The following RB1 variants were observed in gnomAD, a reference collection of about 807,000 sequenced individuals.
The protein encoded by RB1 is RB transcriptional corepressor 1, also known as retinoblastoma-associated protein.
RB1 carries 18 observed loss-of-function variants against 135.4 expected under a neutral mutation model. The observed-to-expected ratio is 0.13, with a 90% CI of 0.09 to 0.20. The LOEUF is 0.20. RB1 is among the 10% of genes least tolerant of loss of function. RB1 has a pLI of 1.00. For missense variants in RB1, 868 were observed against 1,110.0 expected (o/e 0.78, Z 3.10); for synonymous variants, 365 against 373.2 (o/e 0.98, Z 0.25).
chr13:48,416,308 C>T (rs986552176), intron 17 of RB1: 2 of 152,274 alleles, frequency 1.3e-5, no homozygotes, highest in Admixed American at 6.5e-5. Context: ...GGGGCATCGC[C>T]TTACACGGGA....
chr13:48,334,364 T>A (rs1258500053), intron 2 of RB1, among the ~76,000 whole-genome samples: 1 of 152,218 alleles, frequency 6.6e-6, no homozygotes, highest in Non-Finnish European at 1.5e-5. Context: ...CGTCTTAGCC[T>A]GTTATTCCTT....
chr13:48,430,740 A>C (rs1003452200), intron 17 of RB1, among the ~76,000 whole-genome samples: 10 of 54,772 alleles, frequency 1.8e-4, no homozygotes, highest in African/African-American at 3.4e-4. Context: ...TCTCCATCTC[A>C]AAAACAAAAA....
intron 2 of RB1, among the ~76,000 whole-genome samples, chr13:48,340,507 GCT>G: frequency 6.6e-6 from 1 of 151,264 alleles, no homozygotes; most frequent in East Asian, 1.9e-4. Context: ...AATAAAATTC[GCT>G]GTTTTAAAAA....
Position 48,317,800 on chromosome 13 carries a change from AC to A in RB1, c.264+10400del, listed in dbSNP as rs1281154848. On this transcript the variant is annotated intron_variant, in intron 2 of 26. Transcript: ENST00000267163. ...TCATGGCCCTTCTGCCGGCTGTGGG[AC>A]CCCCCTGGCCCACTGACTCCGCGTG... The A allele has an allele frequency of 1.6e-4, 56 of 350,644 alleles. 2 individuals carry two copies. The highest frequency in any genetic ancestry group is 1.2e-3 in the South Asian group (44 of 36,790). 21.7% of individuals were successfully genotyped at this position (350,644 alleles called of 1,614,324 possible). A position where few individuals can be genotyped will look rare whatever the true frequency, so the allele number is the denominator to read the frequency against.
In RB1 at chr13:48,350,521, G is replaced by T. The variant is rs569677803; in HGVS notation, c.607+1498G>T. Among the ~76,000 whole-genome samples, 14 of 152,192 alleles carry T rather than the reference G, an allele frequency of 9.2e-5. No homozygotes were observed. The South Asian group carries it at 2.9e-3, about 32-fold the overall frequency. On this transcript the variant is annotated intron_variant, in intron 6 of 26. Coordinates refer to ENST00000267163, the MANE Select transcript of RB1 (RefSeq NM_000321.3). ...AAACCTATGGGATACAGTAAAAGCA[G>T]TACAGAGGGAAGTTTATAGCTGTAA...
chr13:48,331,529 C>G (rs1407793575), intron 2 of RB1, among the ~76,000 whole-genome samples: 1 of 152,106 alleles, frequency 6.6e-6, no homozygotes, highest in Admixed American at 6.6e-5. Flanking sequence ...TCTCACCATG[C>G]GATACCCTGC....
intron 17 of RB1, among the ~76,000 whole-genome samples, chr13:48,414,551 T>C (rs1001547519): frequency 5.9e-5 from 9 of 152,146 alleles, no homozygotes; most frequent in Non-Finnish European, 1.3e-4. Flanking sequence ...TATTATTTTT[T>C]TAATTTGGTC....
Position 48,319,836 on chromosome 13 carries a change from G to T in RB1, c.264+12430G>T. 6.2e-6 allele frequency: 2 copies of T among 322,246 alleles called. No homozygotes were observed. 20.0% of individuals were successfully genotyped at this position (322,246 alleles called of 1,614,324 possible). A position where few individuals can be genotyped will look rare whatever the true frequency, so the allele number is the denominator to read the frequency against. ...TAATGCTCTGCTCGAAGGAGTCGTT[G>T]CTGCTCGCTCTGACCGGGAAGGCAG... On this transcript the variant is annotated intron_variant, in intron 2 of 26. Transcript: ENST00000267163. This position sits in a 1 kb window ranked among gnomAD's most constrained non-coding sequence, Gnocchi z 5.0.
In RB1 at chr13:48,321,622, A is replaced by G. The variant is rs1015255203; in HGVS notation, c.264+14216A>G. ...TGTAATCCTAGCACTTTCGGAAGCC[A>G]AGGCGGGTGGATCACCTGAGGTCAG... On this transcript the variant is annotated intron_variant, in intron 2 of 26. Transcript: ENST00000267163. 2.6e-5 allele frequency among the ~76,000 whole-genome samples: 4 copies of G among 151,988 alleles called. No individual in the cohort carries two copies. In the East Asian group the frequency reaches 7.8e-4, roughly 29 times the overall value.
At chr13:48,323,564 T>A (rs1952259946) in intron 2 of RB1, among the ~76,000 whole-genome samples, 1 of 152,106 alleles carries the variant, frequency 6.6e-6, no homozygotes, top group Non-Finnish European at 1.5e-5. Flanking sequence ...ATGTTTATAC[T>A]TAATGTGTGT....
At chr13:48,328,708 A>T (rs1952309400) in intron 2 of RB1, 3 of 454,254 alleles carry the variant, frequency 6.6e-6, no homozygotes, top group Non-Finnish European at 1.2e-5. Flanking sequence ...GTCAAGCCCT[A>T]AGTCTTGTCC....
intron 3 of RB1, among the ~76,000 whole-genome samples, chr13:48,344,173 G>A (rs1047873049): frequency 3.9e-5 from 6 of 152,082 alleles, no homozygotes; most frequent in Admixed American, 2.6e-4. Context: ...TTTCAAATAC[G>A]TTAATTTTTA....
At chr13:48,379,452 A>G (rs1593455453) in intron 13 of RB1, 142 bp from the exon 14 acceptor site, 2 of 1,118,394 alleles carry the variant, frequency 1.8e-6, no homozygotes, top group South Asian at 1.5e-5. Flanking sequence ...TGGGAGGCCA[A>G]AGCAGGAGGA....
chr13:48,306,914 T>G (rs143371863), intron 1 of RB1, among the ~76,000 whole-genome samples: 233 of 152,334 alleles, frequency 1.5e-3, no homozygotes, highest in African/African-American at 5.1e-3. Context: ...GGCGTTGAAT[T>G]GTATAATATT....
intron 2 of RB1, among the ~76,000 whole-genome samples, chr13:48,335,070 A>G (rs946436386): frequency 6.6e-6 from 1 of 152,168 alleles, no homozygotes; most frequent in Admixed American, 6.5e-5. Flanking sequence ...TGTAGAGATA[A>G]TCGTGAACAT....
intron 19 of RB1, among the ~76,000 whole-genome samples, chr13:48,457,627 A>G (rs1949368985): frequency 1.3e-5 from 2 of 152,128 alleles, no homozygotes; most frequent in Non-Finnish European, 2.9e-5. Context: ...GCCGCCATCC[A>G]TGCGTCAAGG....
At chr13:48,318,015 C>G (rs985855252) in intron 2 of RB1, 7 of 502,306 alleles carry the variant, frequency 1.4e-5, no homozygotes, top group African/African-American at 1.9e-5. Context: ...CTCCTGTCGT[C>G]AGACAGGGAG....
chr13:48,442,678 G>T (rs1949249930), intron 17 of RB1, among the ~76,000 whole-genome samples: 1 of 152,114 alleles, frequency 6.6e-6, no homozygotes, highest in Non-Finnish European at 1.5e-5. Flanking sequence ...GACTATTTTA[G>T]TTTAATTACA....
At chr13:48,409,000 G>A (rs1948764480) in intron 17 of RB1, among the ~76,000 whole-genome samples, 1 of 152,054 alleles carries the variant, frequency 6.6e-6, no homozygotes, top group Non-Finnish European at 1.5e-5. Context: ...TTAAGAAAGA[G>A]TGTATTTTTA....
Sources: allele counts gnomAD v4.1 joint callset (sites outside exome capture counted in the v4.1 genomes callset), GRCh38; gene constraint gnomAD v4.1.1; non-coding constraint Gnocchi (gnomAD v3.1); transcripts MANE v1.5; gene names NCBI Gene and HGNC (gene_info 2026-07-23, HGNC 2026-07-21).